TMEM117: variants seen among roughly 807,000 people sequenced by gnomAD.
The protein encoded by TMEM117 is transmembrane protein 117.
A neutral mutation model predicts 52.4 loss-of-function variants in TMEM117; 27 were observed. The observed-to-expected ratio is 0.51, with a 90% CI of 0.38 to 0.71. TMEM117 has a LOEUF of 0.71. Among genes scored for constraint, TMEM117 ranks in the 30% least tolerant of loss-of-function variants. TMEM117 has a pLI of 0.00. For synonymous variants in TMEM117, 215 were observed against 206.3 expected (o/e 1.04, Z -0.36); for missense variants, 556 against 630.5 (o/e 0.88, Z 1.26).
intron 5 of TMEM117, among the ~76,000 whole-genome samples, chr12:44,269,314 C>T (rs978112046): frequency 1.3e-4 from 20 of 152,050 alleles, no homozygotes; most frequent in Admixed American, 3.9e-4. Context: ...CTACACAACC[C>T]TTCTTGTAAT....
intron 6 of TMEM117, among the ~76,000 whole-genome samples, chr12:44,366,268 G>A (rs551461548): frequency 2.0e-5 from 3 of 152,078 alleles, no homozygotes; most frequent in African/African-American, 4.8e-5. Flanking sequence ...ATAAAGATAG[G>A]CAACTGCTAA....
intron 3 of TMEM117, among the ~76,000 whole-genome samples, chr12:44,116,934 C>G (rs1240370751): frequency 1.3e-5 from 2 of 152,148 alleles, no homozygotes; most frequent in Non-Finnish European, 2.9e-5. Flanking sequence ...CTCATCGTAA[C>G]CTTATGAATC....
intron 3 of TMEM117, among the ~76,000 whole-genome samples, chr12:44,121,907 A>G (rs910886856): frequency 6.6e-6 from 1 of 151,948 alleles, no homozygotes; most frequent in African/African-American, 2.4e-5. Context: ...CTTTGTGTCC[A>G]TTGTACTCAA....
intron 2 of TMEM117, among the ~76,000 whole-genome samples, chr12:43,907,211 G>T (rs1944407768): frequency 6.6e-6 from 1 of 152,118 alleles, no homozygotes; most frequent in Admixed American, 6.6e-5. Flanking sequence ...CAGCCTAACT[G>T]GGAGGCACCC....
At chr12:44,265,433 A>T (rs1036021547) in intron 5 of TMEM117, among the ~76,000 whole-genome samples, 1 of 152,184 alleles carries the variant, frequency 6.6e-6, no homozygotes, top group African/African-American at 2.4e-5. Context: ...TCTGTGGAGC[A>T]TGTATCATAG....
chr12:43,975,175 T>G (rs1945652558), intron 3 of TMEM117, among the ~76,000 whole-genome samples: 1 of 152,222 alleles, frequency 6.6e-6, no homozygotes, highest in African/African-American at 2.4e-5. Flanking sequence ...TATCTTTGGT[T>G]GCATTGTTCC....
At chr12:44,037,613 A>T (rs1485721268) in intron 3 of TMEM117, among the ~76,000 whole-genome samples, 1 of 152,092 alleles carries the variant, frequency 6.6e-6, no homozygotes, top group Non-Finnish European at 1.5e-5. Flanking sequence ...AAGAATGGGA[A>T]CATATGATGC....
upstream of TMEM117, among the ~76,000 whole-genome samples, chr12:43,832,262 C>G (rs115369696): frequency 6.6e-6 from 1 of 152,204 alleles, no homozygotes; most frequent in Non-Finnish European, 1.5e-5. Flanking sequence ...GGAAAGTTTT[C>G]ATAGAACGGT....
intron 5 of TMEM117, among the ~76,000 whole-genome samples, chr12:44,276,009 A>G (rs1950507281): frequency 6.6e-6 from 1 of 152,184 alleles, no homozygotes. Context: ...AATTTTTATG[A>G]TGTGATTATT....
chr12:44,033,429 G>A (rs1051209714), intron 3 of TMEM117, among the ~76,000 whole-genome samples: 3 of 152,118 alleles, frequency 2.0e-5, no homozygotes, highest in African/African-American at 7.2e-5. Flanking sequence ...ACCCTCTGTG[G>A]GAGCCTGGAT....
chr12:43,847,546 A>T (rs1943230899), intron 2 of TMEM117, among the ~76,000 whole-genome samples: 1 of 152,232 alleles, frequency 6.6e-6, no homozygotes, highest in Non-Finnish European at 1.5e-5. Context: ...GACTCAGAAC[A>T]AATGAAAGGG....
chr12:44,136,273 T>C lies in TMEM117; in HGVS notation c.411-7252T>C, dbSNP rs79127561. Among the ~76,000 whole-genome samples the C allele has an allele frequency of 6.8e-3, 1,036 of 152,264 alleles. 12 individuals are homozygous for C. Among genetic ancestry groups the C allele is most frequent in the African/African-American group, 0.023 (971 of 41,566 alleles). Reference sequence around the variant, plus strand: ...ATTTTTCTAATAACTTTAGTGAAGATAAATGAAGTCTCTTTGTTGTATTTG... The same window carrying C: ...ATTTTTCTAATAACTTTAGTGAAGACAAATGAAGTCTCTTTGTTGTATTTG... On this transcript the variant is annotated intron_variant, in intron 3 of 7. Coordinates refer to ENST00000266534, the MANE Select transcript of TMEM117 (RefSeq NM_032256.3).
intron 5 of TMEM117, among the ~76,000 whole-genome samples, chr12:44,238,644 CTAAA>C (rs2138474080): frequency 6.6e-6 from 1 of 152,092 alleles, no homozygotes; most frequent in Non-Finnish European, 1.5e-5. Flanking sequence ...GACCCTGTCT[CTAAA>C]CAACAACAAC....
chr12:44,018,961 C>G (rs1226681667), intron 3 of TMEM117, among the ~76,000 whole-genome samples: 1 of 152,074 alleles, frequency 6.6e-6, no homozygotes, highest in Admixed American at 6.6e-5. Flanking sequence ...CTCAGCCTCT[C>G]AAAGTGTTGG....
intron 4 of TMEM117, among the ~76,000 whole-genome samples, chr12:44,161,344 G>A (rs564540220): frequency 4.6e-5 from 7 of 152,258 alleles, no homozygotes; most frequent in Non-Finnish European, 7.4e-5. Context: ...CTGATACTTA[G>A]TAATTGTATG....
chr12:44,184,291 G>A (rs1020532085), intron 4 of TMEM117, among the ~76,000 whole-genome samples: 1 of 152,118 alleles, frequency 6.6e-6, no homozygotes, highest in African/African-American at 2.4e-5. Flanking sequence ...GGCTGCAAGA[G>A]CAAAGATCAT....
chr12:44,095,233 G>C (rs923677304), intron 3 of TMEM117, among the ~76,000 whole-genome samples: 8 of 152,026 alleles, frequency 5.3e-5, no homozygotes, highest in African/African-American at 1.9e-4. Flanking sequence ...ATCCTGAAGC[G>C]TTAACACTTG....
rs537537320 is a variant in TMEM117 at position 43,889,899 on chromosome 12, A to T, written c.277+44971A>T. ...AGGGAAGAAGGCAGAGCAGGATAAG[A>T]CAGAGGCACCAGTTCGGTTGCAATA... On this transcript the variant is annotated intron_variant, in intron 2 of 7. Coordinates refer to ENST00000266534, the MANE Select transcript of TMEM117 (RefSeq NM_032256.3). 2.6e-5 allele frequency among the ~76,000 whole-genome samples: 4 copies of T among 152,280 alleles called. No homozygotes were observed. The East Asian group carries it at 7.7e-4, about 29-fold the overall frequency.
At chr12:44,051,969 T>C (rs1451156088) in intron 3 of TMEM117, among the ~76,000 whole-genome samples, 1 of 152,250 alleles carries the variant, frequency 6.6e-6, no homozygotes, top group Non-Finnish European at 1.5e-5. Flanking sequence ...TCTGGGTTCA[T>C]ATACCAGCTC....
Sources: allele counts gnomAD v4.1 joint callset (sites outside exome capture counted in the v4.1 genomes callset), GRCh38; gene constraint gnomAD v4.1.1; transcripts MANE v1.5; gene names NCBI Gene and HGNC (gene_info 2026-07-23, HGNC 2026-07-21).